Variants in PDIA4 observed in about 807,000 individuals in gnomAD.
PDIA4 encodes protein disulfide-isomerase A4.
In PDIA4, 33 loss-of-function variants were observed where a neutral mutation model predicts 62.1. That is an observed-to-expected ratio of 0.53 (90% confidence interval 0.40 to 0.71). The LOEUF (loss-of-function observed/expected upper bound fraction) is 0.71. Ranked by LOEUF, PDIA4 falls within the 30% of genes least tolerant of loss-of-function variation. The probability of loss-of-function intolerance (pLI) is 0.00; values close to 1 mark genes in which losing one functional copy is unlikely to be tolerated. For missense variants in PDIA4, 804 were observed against 813.6 expected, an observed-to-expected ratio of 0.99 and a Z score of 0.14; for synonymous variants, 341 against 324.1, an observed-to-expected ratio of 1.05 and a Z score of -0.56.
At chr7:149,020,300 A>C (rs1486144708) in intron 2 of PDIA4, among the ~76,000 whole-genome samples, 1 of 152,062 alleles carries the variant, frequency 6.6e-6, no homozygotes, top group Non-Finnish European at 1.5e-5. Context: ...GCTACGCTTG[A>C]CCCTCAGGCA....
rs6971353 is a variant in PDIA4, at chr7:149,004,076, C to T, written c.1656G>A (p.Ala552=). The change falls in exon 10 of 10, where the codon GCG becomes GCA. Residue 552 remains alanine (A), a synonymous_variant. Transcript: ENST00000652332. The part of the protein sequence containing the change: ...PKKDVLIEFY[A]PWCGHCKQLE... ...GCTGCTTGCAGTGCCCGCACCATGG[C>T]GCGTAGAACTCGATGAGGACGTCCT... The T allele has an allele frequency of 0.028, 45,314 of 1,614,054 alleles. 1,131 individuals carry two copies. The highest frequency in any genetic ancestry group is 0.1 in the African/African-American group (7,782 of 74,986).
At chr7:149,024,321 C>T (rs924287538) in intron 1 of PDIA4, among the ~76,000 whole-genome samples, 1 of 43,080 alleles carries the variant, frequency 2.3e-5, no homozygotes, top group Non-Finnish European at 5.5e-5. Flanking sequence ...TAAGGACTCT[C>T]AAGGCCCCTA....
At chr7:149,015,681 C>T (rs537660004) in intron 3 of PDIA4, among the ~76,000 whole-genome samples, 32 of 152,238 alleles carry the variant, frequency 2.1e-4, no homozygotes, top group Admixed American at 1.8e-3. Context: ...GTTCTTAGGA[C>T]GAGTGGTTGC....
At chr7:149,014,506 TCTCTA>T (rs1172925263) in intron 4 of PDIA4, among the ~76,000 whole-genome samples, 4 of 152,188 alleles carry the variant, frequency 2.6e-5, no homozygotes, top group Non-Finnish European at 2.9e-5. Flanking sequence ...TCCGCTCTGC[TCTCTA>T]CTCTGACTGC....
At chr7:149,024,586 G>C (rs557265993) in intron 1 of PDIA4, among the ~76,000 whole-genome samples, 82 of 151,934 alleles carry the variant, frequency 5.4e-4, no homozygotes, top group South Asian at 3.5e-3. Context: ...AGGCTGAGAC[G>C]GGCAGATCAC....
At chr7:149,020,718 G>A (rs1824313107) in intron 2 of PDIA4, among the ~76,000 whole-genome samples, 1 of 152,180 alleles carries the variant, frequency 6.6e-6, no homozygotes, top group Non-Finnish European at 1.5e-5. Context: ...GTGACCATCA[G>A]AGGACGTATT....
intron 1 of PDIA4, 108 bp downstream of exon 1, chr7:149,028,213 G>T: frequency 1.3e-6 from 1 of 761,958 alleles, no homozygotes; most frequent in Non-Finnish European, 2.0e-6. Context: ...ACTAGTTCTG[G>T]AGCTGACCGC....
In PDIA4 at chr7:149,021,054, T is replaced by C; in HGVS notation, c.182A>G (p.Glu61Gly). ...EEEDDLEVKE[E>G]NGVLVLNDAN... Reference sequence around the variant, plus strand: ...ATCATTTAGGACCAAGACTCCATTTTCTTCCTTAACTTCCAAGTCGTCTTC... The same window carrying C: ...ATCATTTAGGACCAAGACTCCATTTCCTTCCTTAACTTCCAAGTCGTCTTC... Residue 61 changes from glutamate to glycine, a missense_variant, in exon 2 of 10, where the codon GAA becomes GGA. By Grantham distance (98) the Glu-to-Gly change is moderately conservative. Transcript: ENST00000652332. 2.5e-6 allele frequency: 4 copies of C among 1,614,196 alleles called. No individual in the cohort carries two copies. The highest frequency in any genetic ancestry group is 1.3e-5 in the African/African-American group (1 of 75,058).
Position 149,005,955 on chromosome 7 carries a change from G to T in PDIA4, c.1230C>A (p.Thr410=). The change falls in exon 8 of 10, where the codon ACC becomes ACA. Residue 410 remains threonine (T), a synonymous_variant. Transcript: ENST00000652332. ...AGTAGACGACCACCAGGGGGCGCCT[G>T]GTGTAGCGCTTAGCATCGTTTGACA... The part of the protein sequence containing the change: ...RKVSNDAKRY[T]RRPLVVVYYS... The T allele has an allele frequency of 6.5e-7, 1 of 1,532,698 alleles. No individual in the cohort carries two copies. Among genetic ancestry groups the T allele is most frequent in the Non-Finnish European group, 8.7e-7 (1 of 1,151,770 alleles). The allele number at this position is 1,532,698 out of a possible 1,614,324, so 94.9% of individuals were successfully genotyped here. A position where few individuals can be genotyped will look rare whatever the true frequency, so the allele number is the denominator to read the frequency against.
chr7:149,012,499 T>C, intron 4 of PDIA4, 139 bp from the exon 5 acceptor site: 1 of 673,840 alleles, frequency 1.5e-6, no homozygotes, highest in Non-Finnish European at 2.6e-6. Flanking sequence ...TCCTAGACCC[T>C]CAGGCCCTCA....
At chr7:149,009,003 G>A (rs900195211) in intron 6 of PDIA4, among the ~76,000 whole-genome samples, 6 of 151,266 alleles carry the variant, frequency 4.0e-5, no homozygotes, top group East Asian at 1.9e-4. Flanking sequence ...TCGGCTCACT[G>A]CAGTCTCTGT....
intron 6 of PDIA4, among the ~76,000 whole-genome samples, chr7:149,010,288 C>T (rs1266097709): frequency 1.3e-5 from 2 of 152,024 alleles, no homozygotes; most frequent in African/African-American, 4.8e-5. Context: ...TCACTTGAGC[C>T]CAGGAGTTCA....
At chr7:149,014,847 C>A in intron 4 of PDIA4, 57 bp downstream of exon 4, 1 of 1,572,248 alleles carries the variant, frequency 6.4e-7, no homozygotes, top group Non-Finnish European at 8.7e-7. Flanking sequence ...GGCCTGCCAC[C>A]CCGCACCTAG....
At position 149,019,029 on chromosome 7, in the gene PDIA4, C is replaced by T. The variant is rs1824248041; in HGVS notation, c.438G>A (p.Gly146=). The T allele has an allele frequency of 1.9e-6, 3 of 1,613,650 alleles. No homozygotes were observed. The East Asian group carries it at 6.7e-5, about 36-fold the overall frequency. ...GYPTIKILKK[G]QAVDYEGSRT... The stretch of plus-strand genomic sequence containing the variant: ...TGGAGCCCTCGTAGTCTACAGCCTG[C>T]CCCTTCTTAAGGATCTTGATGGTGG... Residue 146 remains glycine, a synonymous_variant, in exon 3 of 10, where the codon GGG becomes GGA. Transcript: ENST00000652332.
Position 149,014,977 on chromosome 7 carries a change from C to G in PDIA4, c.541G>C (p.Val181Leu). Reference protein sequence around the residue: ...DWTPPPEVTLVLTKENFDEVV... With the variant: ...DWTPPPEVTLLLTKENFDEVV... ...TCATCAAAGTTCTCTTTGGTCAACACAAGCGTGACTTCTGGTGGAGGCGTC... is the reference window on the plus strand; with the variant it reads ...TCATCAAAGTTCTCTTTGGTCAACAGAAGCGTGACTTCTGGTGGAGGCGTC... The change falls in exon 4 of 10, where the codon GTG becomes CTG. Residue 181 changes from valine to leucine, a missense_variant. Physicochemically the swap from Val to Leu is conservative, Grantham distance 32. Coordinates refer to ENST00000652332, the MANE Select transcript of PDIA4 (RefSeq NM_004911.5). The G allele has an allele frequency of 1.2e-6, 2 of 1,614,166 alleles. No homozygotes were observed. Among genetic ancestry groups the G allele is most frequent in the South Asian group, 1.1e-5 (1 of 91,090 alleles).
chr7:149,018,844 C>G (rs1479207619), intron 3 of PDIA4, 148 bp downstream of exon 3: 1 of 141,712 alleles, frequency 7.1e-6, no homozygotes, highest in Non-Finnish European at 1.5e-5. Flanking sequence ...CCCCCCACCC[C>G]CACCCCAAGA....
intron 1 of PDIA4, among the ~76,000 whole-genome samples, chr7:149,021,387 G>A (rs1824349520): frequency 6.6e-6 from 1 of 151,298 alleles, no homozygotes; most frequent in African/African-American, 2.4e-5. Context: ...TACTCGGGAG[G>A]CTGAGGCAGA....
intron 6 of PDIA4, among the ~76,000 whole-genome samples, chr7:149,010,610 C>T (rs181789033): frequency 9.9e-5 from 15 of 152,264 alleles, no homozygotes; most frequent in Middle Eastern, 3.4e-3. Flanking sequence ...TCAAGAACTT[C>T]ACCTCCTGCC....
chr7:149,023,702 G>A (rs1328142690), intron 1 of PDIA4, among the ~76,000 whole-genome samples: 1 of 152,156 alleles, frequency 6.6e-6, no homozygotes. Flanking sequence ...GGAGAGGAAG[G>A]GAAACTAATT....
Sources: gnomAD v4.1 joint callset for allele counts (sites outside exome capture counted in the v4.1 genomes callset) on GRCh38, gnomAD v4.1.1 for gene constraint, MANE v1.5 for transcripts, NCBI Gene and HGNC (gene_info 2026-07-23, HGNC 2026-07-21) for gene names.